The following TENM3 variants were observed in gnomAD, a reference collection of about 807,000 sequenced individuals.
TENM3 encodes the protein teneurin transmembrane protein 3.
In TENM3, 63 loss-of-function variants were observed where a neutral mutation model predicts 255.1. The observed-to-expected ratio is 0.25, with a 90% CI of 0.20 to 0.30. The LOEUF is 0.30. TENM3 is among the 10% of genes least tolerant of loss of function. The probability of loss-of-function intolerance (pLI) is 1.00; values close to 1 mark genes in which losing one functional copy is unlikely to be tolerated. For synonymous variants in TENM3, 1,306 were observed against 1,322.3 expected (o/e 0.99, Z 0.27); for missense variants, 2,929 against 3,461.1 (o/e 0.85, Z 3.86).
chr4:182,026,132 T>C, the TENM3 span, among the ~76,000 whole-genome samples: 1 of 152,218 alleles, frequency 6.6e-6, no homozygotes, highest in Non-Finnish European at 1.5e-5. Flanking sequence ...GCTTCATCCA[T>C]GTCCCTGCAA....
At chr4:181,588,555 C>T in the TENM3 span, among the ~76,000 whole-genome samples, 6 of 152,244 alleles carry the variant, frequency 3.9e-5, no homozygotes, top group East Asian at 1.2e-3. Context: ...CTGTAGTACA[C>T]GTAGTTCAGG....
At chr4:182,727,729 A>G (rs867237126) in intron 13 of TENM3, among the ~76,000 whole-genome samples, 2 of 152,244 alleles carry the variant, frequency 1.3e-5, no homozygotes, top group Middle Eastern at 3.4e-3. Context: ...TTCTAATATT[A>G]TGGCTGATTT....
the TENM3 span, among the ~76,000 whole-genome samples, chr4:181,588,258 G>T: frequency 6.6e-6 from 1 of 152,052 alleles, no homozygotes; most frequent in Non-Finnish European, 1.5e-5. Context: ...AACATCTGAA[G>T]TTCACATTCC....
the TENM3 span, among the ~76,000 whole-genome samples, chr4:182,117,659 T>A: frequency 2.0e-5 from 3 of 152,344 alleles, no homozygotes; most frequent in East Asian, 5.8e-4. Flanking sequence ...GATATATTTG[T>A]CTATTCTTTC....
At chr4:182,107,151 TACACACAC>T in the TENM3 span, among the ~76,000 whole-genome samples, 5,625 of 146,044 alleles carry the variant, frequency 0.039, 163 homozygotes, top group East Asian at 0.15. Context: ...AAACAGAACA[TACACACAC>T]ACACACACAC....
At chr4:181,813,204 C>A in the TENM3 span, among the ~76,000 whole-genome samples, 99 of 152,238 alleles carry the variant, frequency 6.5e-4, 1 homozygote, top group East Asian at 0.015. Context: ...TCTTTGAGTT[C>A]TCTCTTGTAA....
At chr4:181,699,023 AAG>A in the TENM3 span, among the ~76,000 whole-genome samples, 110 of 152,172 alleles carry the variant, frequency 7.2e-4, 2 homozygotes, top group Non-Finnish European at 1.3e-3. Flanking sequence ...TAGAAGAACA[AAG>A]AGAACAGTTT....
chr4:181,616,942 T>C, the TENM3 span, among the ~76,000 whole-genome samples: 67 of 152,306 alleles, frequency 4.4e-4, no homozygotes, highest in South Asian at 0.014. Context: ...TAAATAATGC[T>C]TTCTTTACCG....
Position 182,680,573 on chromosome 4 carries a change from G to C in TENM3, c.1670G>C (p.Gly557Ala). Residue 557 changes from glycine (G) to alanine (A), a missense_variant, in exon 10 of 28, where the codon GGG (glycine) becomes GCG (alanine). Gly to Ala is a moderately conservative substitution (Grantham distance 60). Coordinates refer to ENST00000511685, the MANE Select transcript of TENM3 (RefSeq NM_001080477.4). ...TGTCCAGTGTTATGTAGTGGCAACG[G>C]GCAGTACTCCAAGGGCCGCTGCCTG... ...AACPVLCSGNGQYSKGRCLCF... is the reference protein window; with the variant it reads ...AACPVLCSGNAQYSKGRCLCF... 1 of 1,613,696 alleles carries C rather than the reference G, an allele frequency of 6.2e-7. No homozygotes were observed. Among genetic ancestry groups the C allele is most frequent in the Non-Finnish European group, 8.5e-7 (1 of 1,179,840 alleles).
intron 3 of TENM3, among the ~76,000 whole-genome samples, chr4:182,428,284 A>G (rs1157456559): frequency 1.3e-5 from 2 of 152,276 alleles, no homozygotes; most frequent in East Asian, 3.9e-4. Flanking sequence ...ATTTCAGTAG[A>G]CCTGGAAGAA....
At chr4:182,304,071 C>G (rs1228226597) in intron 1 of TENM3, among the ~76,000 whole-genome samples, 2 of 149,728 alleles carry the variant, frequency 1.3e-5, no homozygotes, top group South Asian at 4.2e-4. Flanking sequence ...TTCCAGTATT[C>G]GAGAGGAAAA....
the TENM3 span, among the ~76,000 whole-genome samples, chr4:182,009,143 C>A: frequency 2.6e-5 from 4 of 152,072 alleles, no homozygotes; most frequent in African/African-American, 4.8e-5. Flanking sequence ...CAAGGGGCAC[C>A]AACCTGATGC....
intron 3 of TENM3, among the ~76,000 whole-genome samples, chr4:182,594,031 C>T (rs1482783574): frequency 6.6e-6 from 1 of 151,596 alleles, no homozygotes; most frequent in African/African-American, 2.4e-5. Context: ...TGTTTTGTTT[C>T]TTCTTGGCAT....
chr4:181,998,507 T>C, the TENM3 span, among the ~76,000 whole-genome samples: 1 of 152,144 alleles, frequency 6.6e-6, no homozygotes, highest in Non-Finnish European at 1.5e-5. Context: ...CCAAATAGCC[T>C]AACTGAGCTG....
intron 3 of TENM3, among the ~76,000 whole-genome samples, chr4:182,568,855 T>A (rs1027148087): frequency 6.6e-6 from 1 of 152,174 alleles, no homozygotes; most frequent in Non-Finnish European, 1.5e-5. Flanking sequence ...AAACACTAGG[T>A]TAAGCAAAAG....
the TENM3 span, among the ~76,000 whole-genome samples, chr4:181,470,012 A>G: frequency 6.6e-6 from 1 of 151,446 alleles, no homozygotes; most frequent in Non-Finnish European, 1.5e-5. Flanking sequence ...ATATGCGGTA[A>G]TGAAACATTT....
At chr4:181,699,359 C>A in the TENM3 span, among the ~76,000 whole-genome samples, 3 of 136,774 alleles carry the variant, frequency 2.2e-5, no homozygotes, top group Non-Finnish European at 4.6e-5. Context: ...GAAGCTTGAT[C>A]TTGAGCCCAG....
the TENM3 span, among the ~76,000 whole-genome samples, chr4:181,610,867 C>A: frequency 0.02 from 3,068 of 152,124 alleles, 113 homozygotes; most frequent in African/African-American, 0.071. Flanking sequence ...CACTGTTCTC[C>A]GACCAAAAGA....
At chr4:182,228,059 T>G (rs372889472) in intron 1 of TENM3, among the ~76,000 whole-genome samples, 3 of 152,230 alleles carry the variant, frequency 2.0e-5, no homozygotes, top group East Asian at 3.9e-4. Context: ...AAAATAGTGG[T>G]AACCAGGAGC....
Sources: gnomAD v4.1 joint callset for allele counts (sites outside exome capture counted in the v4.1 genomes callset) on GRCh38, gnomAD v4.1.1 for gene constraint, MANE v1.5 for transcripts, NCBI Gene and HGNC (gene_info 2026-07-23, HGNC 2026-07-21) for gene names.